Variants in FRY observed in about 807,000 individuals in gnomAD.
FRY encodes protein furry homolog.
Under a neutral mutation model 348.4 loss-of-function variants are expected in FRY, and 128 were observed. The observed-to-expected ratio is 0.37, with a 90% confidence interval of 0.32 to 0.43. FRY has a LOEUF of 0.43. Among genes scored for constraint, FRY ranks in the 20% least tolerant of loss-of-function variants. The probability of loss-of-function intolerance (pLI) is 1.00; values close to 1 mark genes in which losing one functional copy is unlikely to be tolerated. For missense variants in FRY, 2,736 were observed against 3,695.2 expected (o/e 0.74, Z 6.73); for synonymous variants, 1,370 against 1,374.7 (o/e 1.00, Z 0.08).
At chr13:32,173,267 T>C (rs1882194056) in intron 18 of FRY, 100 bp from the exon 19 acceptor site, 3 of 828,448 alleles carry the variant, frequency 3.6e-6, no homozygotes, top group Non-Finnish European at 6.2e-6. Context: ...TATTTTAATA[T>C]TTACAAGGTC....
intron 29 of FRY, among the ~76,000 whole-genome samples, chr13:32,199,014 A>G (rs1183019733): frequency 1.3e-5 from 2 of 152,184 alleles, no homozygotes; most frequent in African/African-American, 4.8e-5. Flanking sequence ...ATATCTATCA[A>G]TGCGTGTCAA....
At chr13:32,201,016 C>G (rs558006222) in intron 29 of FRY, among the ~76,000 whole-genome samples, 4 of 152,306 alleles carry the variant, frequency 2.6e-5, no homozygotes, top group African/African-American at 9.6e-5. Context: ...CGTGGCCCCC[C>G]TCCCCAGGGC....
chr13:32,087,578 C>T (rs1341620830), intron 2 of FRY, among the ~76,000 whole-genome samples: 1 of 152,162 alleles, frequency 6.6e-6, no homozygotes, highest in Admixed American at 6.5e-5. Context: ...CATACTCATC[C>T]CAGCTTCCTC....
In FRY at chr13:32,237,774, G is replaced by T. The variant is rs766941704; in HGVS notation, c.6206G>T (p.Arg2069Ile). 1 of 1,614,142 alleles carries T rather than the reference G, an allele frequency of 6.2e-7. No individual in the cohort carries two copies. The highest frequency in any genetic ancestry group is 8.5e-7 in the Non-Finnish European group (1 of 1,180,016). The change falls in exon 44 of 61, where the codon AGA (arginine) becomes ATA (isoleucine). Residue 2069 changes from arginine to isoleucine, a missense_variant. Transcript: ENST00000542859. The surrounding 1 kb of genome is among the most constrained non-coding windows in gnomAD (Gnocchi z 6.3). ...TTAATGGCCTTAAGGCTGTTGAGCA[G>T]ACTACTGGCACATATGCCACTCGAT... ...EYLMALRLLS[R>I]LLAHMPLDKA...
intron 17 of FRY, among the ~76,000 whole-genome samples, chr13:32,166,153 C>A (rs549321861): frequency 1.3e-5 from 2 of 152,344 alleles, no homozygotes; most frequent in East Asian, 3.9e-4. Context: ...TTATTTTAGG[C>A]TTCTGAGAGC....
intron 7 of FRY, among the ~76,000 whole-genome samples, chr13:32,127,529 T>G (rs755133034): frequency 1.4e-4 from 21 of 152,226 alleles, no homozygotes; most frequent in South Asian, 4.2e-4. Flanking sequence ...TGTAATTCCA[T>G]CACTTTGGGA....
At chr13:32,292,050 T>C in intron 59 of FRY, 1 of 449,298 alleles carries the variant, frequency 2.2e-6, no homozygotes, top group South Asian at 1.6e-5. Flanking sequence ...TGGCACGATC[T>C]CGGCTCACTG....
intron 58 of FRY, among the ~76,000 whole-genome samples, chr13:32,279,200 A>G (rs1385552651): frequency 6.6e-6 from 1 of 152,238 alleles, no homozygotes; most frequent in Non-Finnish European, 1.5e-5. Context: ...GACAGGAAAG[A>G]ACAGAAAGCT....
intron 57 of FRY, among the ~76,000 whole-genome samples, chr13:32,277,004 T>G (rs1397409889): frequency 2.6e-5 from 4 of 152,222 alleles, no homozygotes; most frequent in Non-Finnish European, 5.9e-5. Flanking sequence ...CTCTTGCTCT[T>G]TACTTTTTTC....
In FRY at chr13:32,275,003, A is replaced by C; in HGVS notation, c.8286+12A>C. 1 of 1,611,460 alleles carries C rather than the reference A, an allele frequency of 6.2e-7. No individual in the cohort carries two copies. The highest frequency in any genetic ancestry group is 8.5e-7 in the Non-Finnish European group (1 of 1,177,676). On this transcript the variant is annotated intron_variant, in intron 56 of 60. Transcript: ENST00000542859. ...TGGATGCCGAGACTGTGAGTATCCC[A>C]GTCCTGCTCTGACAGTGAAGGGCCT...
At chr13:32,138,882 G>T (rs549176077) in intron 11 of FRY, among the ~76,000 whole-genome samples, 1 of 152,302 alleles carries the variant, frequency 6.6e-6, no homozygotes, top group African/African-American at 2.4e-5. Flanking sequence ...GATGCAGACA[G>T]TGAAGGATGT....
Position 32,117,424 on chromosome 13 carries a change from G to A in FRY, c.415G>A (p.Glu139Lys), listed in dbSNP as rs764730081. 6.2e-7 allele frequency: 1 copy of A among 1,613,866 alleles called. No homozygotes were observed. The highest frequency in any genetic ancestry group is 1.1e-5 in the South Asian group (1 of 91,074). Reference protein sequence around the residue: ...FDWYKRQNGIEDESHEYRPRT... With the variant: ...FDWYKRQNGIKDESHEYRPRT... ...CTGGTATAAAAGGCAAAATGGCATT[G>A]AGGATGAATCACATGAATACAGACC... The change falls in exon 4 of 61, where the codon GAG becomes AAG. Residue 139 changes from glutamate to lysine, a missense_variant. Physicochemically the swap from Glu to Lys is moderately conservative, Grantham distance 56. Transcript: ENST00000542859.
chr13:32,190,952 A>G (rs1883302158), intron 28 of FRY, among the ~76,000 whole-genome samples: 1 of 152,190 alleles, frequency 6.6e-6, no homozygotes, highest in Non-Finnish European at 1.5e-5. Flanking sequence ...CTGACCAAGA[A>G]TAAGTATATA....
intron 23 of FRY, among the ~76,000 whole-genome samples, chr13:32,181,204 A>T (rs573248305): frequency 2.0e-4 from 30 of 152,174 alleles, no homozygotes; most frequent in African/African-American, 5.5e-4. Flanking sequence ...TTTTATTCTT[A>T]AAAGAAGTAA....
chr13:32,294,880 G>A (rs1349204762), intron 60 of FRY, among the ~76,000 whole-genome samples: 2 of 152,030 alleles, frequency 1.3e-5, no homozygotes, highest in African/African-American at 2.4e-5. Flanking sequence ...TTCTGATATT[G>A]TATTCACATT....
intron 58 of FRY, among the ~76,000 whole-genome samples, chr13:32,282,864 C>T (rs1045064154): frequency 3.3e-5 from 5 of 152,144 alleles, no homozygotes; most frequent in East Asian, 3.8e-4. Context: ...CACATACGGC[C>T]GAGCGTGGTG....
At chr13:32,186,184 A>G (rs1340009217) in intron 26 of FRY, 76 bp from the exon 27 acceptor site, 6 of 1,134,988 alleles carry the variant, frequency 5.3e-6, no homozygotes, top group Non-Finnish European at 8.0e-6. Flanking sequence ...CCTTTCCTCA[A>G]AATGTAAGAA....
intron 3 of FRY, among the ~76,000 whole-genome samples, chr13:32,102,490 G>A (rs1421848330): frequency 6.6e-6 from 1 of 152,102 alleles, no homozygotes; most frequent in East Asian, 1.9e-4. Context: ...TAACTTTTAG[G>A]TCTTCAAGAA....
intron 34 of FRY, 114 bp from the exon 35 acceptor site, chr13:32,212,178 T>C: frequency 4.3e-6 from 3 of 699,080 alleles, no homozygotes; most frequent in South Asian, 1.6e-5. Flanking sequence ...ATGTAAAAAA[T>C]CTTCCAAACA....
Sources: gnomAD v4.1 joint callset for allele counts (sites outside exome capture counted in the v4.1 genomes callset) on GRCh38, gnomAD v4.1.1 for gene constraint, Gnocchi (gnomAD v3.1) non-coding constraint, MANE v1.5 for transcripts, NCBI Gene and HGNC (gene_info 2026-07-23, HGNC 2026-07-21) for gene names.